RASL12: variants seen among roughly 807,000 people sequenced by gnomAD.
RASL12 encodes the protein ras-like protein family member 12.
A neutral mutation model predicts 22.9 loss-of-function variants in RASL12; 16 were observed. That is an observed-to-expected ratio of 0.70 (90% CI 0.47 to 1.06). The LOEUF (loss-of-function observed/expected upper bound fraction) is 1.06. Ranked by LOEUF, RASL12 falls within the 50% of genes least tolerant of loss-of-function variation. RASL12 has a pLI of 0.00. For synonymous variants in RASL12, 159 were observed against 152.2 expected (o/e 1.04, Z -0.33); for missense variants, 306 against 353.1 (o/e 0.87, Z 1.07).
chr15:65,070,540 G>A (rs1396908840), upstream of RASL12, among the ~76,000 whole-genome samples: 1 of 152,210 alleles, frequency 6.6e-6, no homozygotes, highest in East Asian at 1.9e-4. Flanking sequence ...GGGTCTCATA[G>A]GAGGCCCCCA....
downstream of RASL12, chr15:65,050,230 A>G (rs2086631912): frequency 1.4e-6 from 1 of 732,946 alleles, no homozygotes; most frequent in South Asian, 1.8e-5. Context: ...ACAGGGAATC[A>G]GTCGGGGTGT....
upstream of RASL12, among the ~76,000 whole-genome samples, chr15:65,071,967 T>C (rs1312409709): frequency 3.9e-5 from 6 of 152,284 alleles, no homozygotes; most frequent in East Asian, 1.2e-3. Flanking sequence ...GCCCAAATCA[T>C]TTCTAAGCCT....
chr15:65,067,627 G>T, intron 1 of RASL12, 106 bp downstream of exon 1: 1 of 1,315,586 alleles, frequency 7.6e-7, no homozygotes, highest in Non-Finnish European at 1.0e-6. Flanking sequence ...GGTGAAGGAA[G>T]CTCCCCAAGC....
At chr15:65,063,765 C>T (rs972215064) in intron 2 of RASL12, among the ~76,000 whole-genome samples, 1 of 152,216 alleles carries the variant, frequency 6.6e-6, no homozygotes, top group Admixed American at 6.5e-5. Flanking sequence ...AACAAGGGGA[C>T]TAAATAGCCC....
At chr15:65,051,458 G>C, downstream of RASL12, 1 of 1,543,972 alleles carries the variant, frequency 6.5e-7, no homozygotes, top group Non-Finnish European at 8.9e-7. Context: ...AGCTGTTAGC[G>C]GGCTTGAGAG....
chr15:65,065,188 A>G (rs1305257732), intron 2 of RASL12, 29 bp downstream of exon 2: 2 of 1,607,256 alleles, frequency 1.2e-6, no homozygotes, highest in East Asian at 4.5e-5. Context: ...GGGCACAGGC[A>G]GCAGAAGGTA....
Position 65,067,563 on chromosome 15 carries a change from G to A in RASL12, c.103+170C>T, listed in dbSNP as rs1435810431. 2.6e-5 allele frequency among the ~76,000 whole-genome samples: 4 copies of A among 152,134 alleles called. No homozygotes were observed. In the South Asian group the frequency reaches 6.2e-4, roughly 24 times the overall value. ...ACAAAGCCGAGAGAAGAGAAAGCCC[G>A]GCAACAGGGAAACTGAGGCAAAGAA... On this transcript the variant is annotated intron_variant, in intron 1 of 4. Coordinates refer to ENST00000220062, the MANE Select transcript of RASL12 (RefSeq NM_016563.4).
intron 2 of RASL12, among the ~76,000 whole-genome samples, chr15:65,060,558 ATGC>A (rs1295514248): frequency 6.6e-6 from 1 of 152,240 alleles, no homozygotes; most frequent in African/African-American, 2.4e-5. Flanking sequence ...GTGGCCAGGC[ATGC>A]AGAGGACCTT....
upstream of RASL12, chr15:65,067,995 AC>A (rs1188551343): frequency 1.1e-4 from 129 of 1,154,924 alleles, no homozygotes; most frequent in Non-Finnish European, 1.2e-4. Context: ...GCGGGCTGCC[AC>A]CCCGCGGGGA....
chr15:65,069,934 AG>A (rs918623066), upstream of RASL12, among the ~76,000 whole-genome samples: 1 of 152,184 alleles, frequency 6.6e-6, no homozygotes. Flanking sequence ...GGAGGAAAAC[AG>A]TGCCCACCTC....
downstream of RASL12, among the ~76,000 whole-genome samples, chr15:65,048,782 G>A (rs900046869): frequency 6.6e-6 from 1 of 152,182 alleles, no homozygotes; most frequent in African/African-American, 2.4e-5. Flanking sequence ...GCCAAGGCGG[G>A]TGGATCACCT....
chr15:65,070,810 C>G (rs1386647253), upstream of RASL12, among the ~76,000 whole-genome samples: 1 of 152,072 alleles, frequency 6.6e-6, no homozygotes, highest in African/African-American at 2.4e-5. Context: ...CTGTGGTTGT[C>G]GAATGATAAA....
rs369490922 is a variant in RASL12 at position 65,074,929 on chromosome 15, G to A, written c.70+1600C>T. ...CTGGGCTCCCACTTTGGCGGCACTT[G>A]TGGAGCCCTTCAGCCCACCACTGCA... is the stretch of plus-strand genomic sequence containing the variant. On this transcript the variant is annotated intron_variant, in intron 1 of 4. Transcript: ENST00000434605. 5.3e-5 allele frequency among the ~76,000 whole-genome samples: 8 copies of A among 152,368 alleles called. No individual in the cohort carries two copies. In the East Asian group the frequency reaches 1.2e-3, roughly 22 times the overall value.
At chr15:65,050,839 T>C (rs1388330997), downstream of RASL12, among the ~76,000 whole-genome samples, 17 of 145,570 alleles carry the variant, frequency 1.2e-4, no homozygotes, top group South Asian at 3.2e-3. Context: ...TCTTCTTCTT[T>C]TTTTTTTTTT....
intron 4 of RASL12, 109 bp from the exon 5 acceptor site, chr15:65,055,383 ATCT>A (rs2086718887): frequency 1.1e-6 from 1 of 905,790 alleles, no homozygotes; most frequent in Non-Finnish European, 1.6e-6. Flanking sequence ...GCCTGGGGTC[ATCT>A]TCACCTCTCT....
chr15:65,075,998 T>C lies in RASL12; in HGVS notation c.70+531A>G, dbSNP rs1000651112. 2.0e-5 allele frequency among the ~76,000 whole-genome samples: 3 copies of C among 152,208 alleles called. No individual in the cohort carries two copies. In the East Asian group the frequency reaches 5.8e-4, roughly 29 times the overall value. ...CTGGTGGGGCCTTGGAGAACCTGTATGTGGAAACTCTGTATCTAACTAATC... is the reference window on the plus strand; with the variant it reads ...CTGGTGGGGCCTTGGAGAACCTGTACGTGGAAACTCTGTATCTAACTAATC... On this transcript the variant is annotated intron_variant, in intron 1 of 4. Coordinates refer to the RASL12 transcript ENST00000434605.
intron 1 of RASL12, among the ~76,000 whole-genome samples, chr15:65,066,571 G>C (rs1039649858): frequency 6.6e-6 from 1 of 151,762 alleles, no homozygotes; most frequent in Non-Finnish European, 1.5e-5. Context: ...GATTCCTAAC[G>C]GTGTCAGTTT....
At chr15:65,051,489 GCT>G (rs1340156276), downstream of RASL12, 2 of 1,610,696 alleles carry the variant, frequency 1.2e-6, no homozygotes, top group African/African-American at 1.3e-5. Context: ...ATTCCTCAGG[GCT>G]CTGTCCTGTG....
At chr15:65,050,833 CTTCT>C (rs1321067401), downstream of RASL12, among the ~76,000 whole-genome samples, 17 of 88,600 alleles carry the variant, frequency 1.9e-4, no homozygotes, top group Admixed American at 1.5e-4. Context: ...TCTTCTTCTT[CTTCT>C]TTTTTTTTTT....
Sources: gnomAD v4.1 joint callset for allele counts (sites outside exome capture counted in the v4.1 genomes callset) on GRCh38, gnomAD v4.1.1 for gene constraint, MANE v1.5 for transcripts, NCBI Gene and HGNC (gene_info 2026-07-23, HGNC 2026-07-21) for gene names.